The following KIF26B variants were observed in gnomAD, a reference collection of about 807,000 sequenced individuals.
KIF26B encodes the protein kinesin-like protein KIF26B.
KIF26B carries 63 observed loss-of-function variants against 151.2 expected under a neutral mutation model. That is an observed-to-expected ratio of 0.42 (90% CI 0.34 to 0.51). The LOEUF (loss-of-function observed/expected upper bound fraction) is 0.51. KIF26B is among the 20% of genes least tolerant of loss of function. The pLI is 0.07. For missense variants in KIF26B, 2,813 were observed against 2,913.6 expected, an observed-to-expected ratio of 0.97 and a Z score of 0.79; for synonymous variants, 1,357 against 1,262.1, an observed-to-expected ratio of 1.08 and a Z score of -1.59.
At chr1:245,369,213 G>A (rs573785040) in intron 3 of KIF26B, among the ~76,000 whole-genome samples, 3 of 152,096 alleles carry the variant, frequency 2.0e-5, no homozygotes, top group African/African-American at 7.2e-5. Context: ...CAGACAGACA[G>A]ACAGTTTAGT....
At chr1:245,165,669 A>T (rs1385524716) in intron 2 of KIF26B, among the ~76,000 whole-genome samples, 2 of 152,190 alleles carry the variant, frequency 1.3e-5, no homozygotes, top group African/African-American at 2.4e-5. Context: ...AGCTAAGAAG[A>T]CAGACCAAGA....
intron 2 of KIF26B, among the ~76,000 whole-genome samples, chr1:245,195,661 CG>C (rs1669179061): frequency 6.6e-6 from 1 of 152,296 alleles, no homozygotes; most frequent in Admixed American, 6.5e-5. Flanking sequence ...CTGAGCATGT[CG>C]AGTGCCCTGG....
intron 2 of KIF26B, among the ~76,000 whole-genome samples, chr1:245,273,289 A>G (rs1670882953): frequency 6.6e-6 from 1 of 152,118 alleles, no homozygotes; most frequent in Non-Finnish European, 1.5e-5. Context: ...GTTGTGGCAC[A>G]TGCCAGTCAT....
At chr1:245,160,092 G>A (rs923329171) in intron 2 of KIF26B, among the ~76,000 whole-genome samples, 1 of 152,166 alleles carries the variant, frequency 6.6e-6, no homozygotes, top group Admixed American at 6.5e-5. Flanking sequence ...GCGTGTAGAA[G>A]TGACAGCTGT....
chr1:245,336,690 C>T (rs181855241), intron 2 of KIF26B, among the ~76,000 whole-genome samples: 15 of 152,284 alleles, frequency 9.9e-5, no homozygotes, highest in Admixed American at 7.2e-4. Context: ...ACATACCTTC[C>T]GTATCAACAT....
chr1:245,322,641 A>T (rs1203256666), intron 2 of KIF26B, among the ~76,000 whole-genome samples: 1 of 152,218 alleles, frequency 6.6e-6, no homozygotes, highest in Non-Finnish European at 1.5e-5. Flanking sequence ...ACCTGTTTGT[A>T]TGGCATATTT....
chr1:245,410,761 A>G (rs543156111), intron 3 of KIF26B, among the ~76,000 whole-genome samples: 3 of 152,248 alleles, frequency 2.0e-5, no homozygotes, highest in Middle Eastern at 3.4e-3. Context: ...TTGTGGTAAA[A>G]TATATATAAC....
intron 2 of KIF26B, among the ~76,000 whole-genome samples, chr1:245,230,859 T>C (rs746788047): frequency 2.0e-5 from 3 of 151,694 alleles, no homozygotes; most frequent in Non-Finnish European, 4.4e-5. Flanking sequence ...GAACTAAATA[T>C]AATTGCACAA....
chr1:245,459,208 G>A (rs986702894), intron 4 of KIF26B, among the ~76,000 whole-genome samples: 2 of 152,188 alleles, frequency 1.3e-5, no homozygotes, highest in African/African-American at 4.8e-5. Flanking sequence ...TATAGCTTTA[G>A]GTTGAGCATT....
chr1:245,180,701 T>C (rs754727796), intron 2 of KIF26B, among the ~76,000 whole-genome samples: 6 of 151,500 alleles, frequency 4.0e-5, no homozygotes, highest in Non-Finnish European at 8.8e-5. Context: ...GGGCCAGTGG[T>C]CACCATGGAA....
chr1:245,567,467 C>A (rs1239388763), intron 5 of KIF26B, among the ~76,000 whole-genome samples: 1 of 152,168 alleles, frequency 6.6e-6, no homozygotes, highest in Admixed American at 6.5e-5. Context: ...CTTCACCCCT[C>A]CCATCCCCAG....
At chr1:245,248,543 C>T (rs573821745) in intron 2 of KIF26B, among the ~76,000 whole-genome samples, 4 of 152,350 alleles carry the variant, frequency 2.6e-5, no homozygotes, top group African/African-American at 7.2e-5. Flanking sequence ...CACAGACACT[C>T]TCTTGCTTTT....
At chr1:245,600,183 C>T (rs980640578) in intron 5 of KIF26B, among the ~76,000 whole-genome samples, 44 of 112,964 alleles carry the variant, frequency 3.9e-4, no homozygotes, top group African/African-American at 1.5e-3. Flanking sequence ...GGACTACAGG[C>T]GCCCGCCACC....
At chr1:245,299,724 CCACA>C (rs1671397754) in intron 2 of KIF26B, among the ~76,000 whole-genome samples, 1 of 152,144 alleles carries the variant, frequency 6.6e-6, no homozygotes, top group Admixed American at 6.5e-5. Context: ...TCTGCGGGGT[CCACA>C]TCCAGAATGC....
At chr1:245,696,832 G>A (rs1308913886) in intron 12 of KIF26B, among the ~76,000 whole-genome samples, 2 of 152,180 alleles carry the variant, frequency 1.3e-5, no homozygotes, top group Non-Finnish European at 2.9e-5. Flanking sequence ...GGTTTTGGCC[G>A]GGCACAGTGG....
At chr1:245,351,158 G>T (rs28461244) in intron 2 of KIF26B, among the ~76,000 whole-genome samples, 8,491 of 152,222 alleles carry the variant, frequency 0.056, 364 homozygotes, top group African/African-American at 0.12. Flanking sequence ...TTCCCTGTCC[G>T]CATGGAGGGT....
At chr1:245,589,997 C>G (rs1337642379) in intron 5 of KIF26B, among the ~76,000 whole-genome samples, 3 of 152,224 alleles carry the variant, frequency 2.0e-5, no homozygotes, top group Non-Finnish European at 4.4e-5. Flanking sequence ...ACAGACGAGT[C>G]TGCGTCTGCA....
intron 9 of KIF26B, among the ~76,000 whole-genome samples, chr1:245,639,912 G>A (rs1272620185): frequency 6.6e-6 from 1 of 151,542 alleles, no homozygotes; most frequent in Non-Finnish European, 1.5e-5. Flanking sequence ...TCCATGTACT[G>A]ATGAGAAGAA....
chr1:245,609,602 G>T (rs1423436419), intron 8 of KIF26B, 74 bp downstream of exon 8: 5 of 1,402,594 alleles, frequency 3.6e-6, no homozygotes, highest in Admixed American at 5.9e-5. Context: ...AGCTCCACCC[G>T]TGAATCACTG....
Sources: gnomAD v4.1 joint callset for allele counts (sites outside exome capture counted in the v4.1 genomes callset) on GRCh38, gnomAD v4.1.1 for gene constraint, MANE v1.5 for transcripts, NCBI Gene and HGNC (gene_info 2026-07-23, HGNC 2026-07-21) for gene names.